Variants in SEC24B observed in about 807,000 individuals in gnomAD.
SEC24B encodes SEC24 homolog B, COPII component.
In SEC24B, 45 loss-of-function variants were observed where a neutral mutation model predicts 142.8. That is an observed-to-expected ratio of 0.32 (90% CI 0.25 to 0.40). SEC24B has a LOEUF of 0.40. SEC24B is among the 10% of genes least tolerant of loss of function. The pLI is 1.00. For synonymous variants in SEC24B, 574 were observed against 568.2 expected, an observed-to-expected ratio of 1.01 and a Z score of -0.15; for missense variants, 1,409 against 1,526.8, an observed-to-expected ratio of 0.92 and a Z score of 1.29.
chr4:109,483,368 A>G (rs1734019264), intron 4 of SEC24B, among the ~76,000 whole-genome samples: 1 of 151,896 alleles, frequency 6.6e-6, no homozygotes, highest in African/African-American at 2.4e-5. Flanking sequence ...TGTGAGCCAC[A>G]GTGCCCGGCC....
intron 5 of SEC24B, among the ~76,000 whole-genome samples, chr4:109,493,392 G>C (rs1043195822): frequency 6.6e-6 from 1 of 152,170 alleles, no homozygotes; most frequent in Non-Finnish European, 1.5e-5. Flanking sequence ...ACATTGTAGA[G>C]TTGACTTCAA....
rs1462326459 is a variant in SEC24B at position 109,521,485 on chromosome 4, C to T, written c.2367C>T (p.Ala789=). The T allele has an allele frequency of 1.2e-6, 2 of 1,614,098 alleles. No homozygotes were observed. Among genetic ancestry groups the T allele is most frequent in the Admixed American group, 3.3e-5 (2 of 60,018 alleles). ...CCAATACAAGAGAAACACACAGTGC[C>T]CTTGGTCCTGCACTTCAGGCTGCCT... ...MFTNTRETHS[A]LGPALQAAFK... is the part of the protein sequence containing the mutation. Residue 789 remains alanine (A), a synonymous_variant, in exon 14 of 24, where the codon GCC becomes GCT. Transcript: ENST00000265175.
At chr4:109,493,948 A>G (rs978564681) in intron 5 of SEC24B, among the ~76,000 whole-genome samples, 2 of 152,154 alleles carry the variant, frequency 1.3e-5, no homozygotes, top group Non-Finnish European at 2.9e-5. Context: ...CAAATAATGC[A>G]TATTTTTAGG....
intron 1 of SEC24B, among the ~76,000 whole-genome samples, chr4:109,439,165 AG>A (rs1187934140): frequency 6.6e-6 from 1 of 152,366 alleles, no homozygotes; most frequent in Non-Finnish European, 1.5e-5. Context: ...TAATAATGCA[AG>A]AAAGATGAGA....
At chr4:109,512,126 G>GGT in intron 9 of SEC24B, 43 bp downstream of exon 9, 2 of 1,316,116 alleles carry the variant, frequency 1.5e-6, no homozygotes, top group Non-Finnish European at 2.0e-6. Context: ...CTATTTTCAG[G>GGT]TTTTTTTTTT....
chr4:109,458,178 T>C (rs1001117118), intron 1 of SEC24B, among the ~76,000 whole-genome samples: 2 of 152,226 alleles, frequency 1.3e-5, no homozygotes, highest in Non-Finnish European at 2.9e-5. Context: ...CATTAAGTCT[T>C]CTGCCATACT....
intron 3 of SEC24B, among the ~76,000 whole-genome samples, chr4:109,476,021 C>CT (rs1276172999): frequency 3.4e-5 from 5 of 146,220 alleles, no homozygotes; most frequent in African/African-American, 1.3e-4. Context: ...CAGACTCACT[C>CT]TGTCACCCAG....
At chr4:109,515,811 G>A (rs985852535) in intron 10 of SEC24B, among the ~76,000 whole-genome samples, 11 of 152,114 alleles carry the variant, frequency 7.2e-5, no homozygotes, top group East Asian at 1.9e-4. Context: ...AGGCTGAGGC[G>A]GGCGGATCAA....
intron 17 of SEC24B, 61 bp downstream of exon 17, chr4:109,526,460 C>A: frequency 7.8e-7 from 1 of 1,274,912 alleles, no homozygotes. Flanking sequence ...TTTCACATGG[C>A]CTTTAGTGGA....
At chr4:109,435,267 C>CATG (rs1561049574) in intron 1 of SEC24B, among the ~76,000 whole-genome samples, 1 of 152,204 alleles carries the variant, frequency 6.6e-6, no homozygotes, top group Non-Finnish European at 1.5e-5. Flanking sequence ...ACATGCTGTA[C>CATG]TCTCAGTAGT....
intron 6 of SEC24B, among the ~76,000 whole-genome samples, chr4:109,499,287 A>G (rs1275201699): frequency 1.3e-5 from 2 of 152,232 alleles, no homozygotes; most frequent in Non-Finnish European, 2.9e-5. Flanking sequence ...CTTTCTTATT[A>G]TATCTTTCAT....
At chr4:109,525,301 T>C in intron 15 of SEC24B, 45 bp from the exon 16 acceptor site, 1 of 1,473,772 alleles carries the variant, frequency 6.8e-7, no homozygotes, top group Non-Finnish European at 9.1e-7. Context: ...ACAAGTAAAA[T>C]ATTATTATTT....
chr4:109,531,292 A>G (rs1270764526), intron 19 of SEC24B, 93 bp from the exon 20 acceptor site: 89 of 1,088,658 alleles, frequency 8.2e-5, no homozygotes, highest in Non-Finnish European at 1.1e-4. Flanking sequence ...TTTAAAGGCC[A>G]TGCTTTTTCC....
At chr4:109,468,437 A>T (rs899695564) in intron 2 of SEC24B, among the ~76,000 whole-genome samples, 7 of 152,214 alleles carry the variant, frequency 4.6e-5, no homozygotes, top group African/African-American at 1.7e-4. Context: ...TCTCCAGAGT[A>T]TCAGCCTCAA....
At chr4:109,480,370 C>A (rs531891607) in intron 3 of SEC24B, among the ~76,000 whole-genome samples, 2 of 152,108 alleles carry the variant, frequency 1.3e-5, no homozygotes, top group South Asian at 4.1e-4. Context: ...TCTTAAAAAT[C>A]CCCACTATGT....
intron 4 of SEC24B, among the ~76,000 whole-genome samples, chr4:109,490,808 T>C (rs939517875): frequency 6.6e-6 from 1 of 152,130 alleles, no homozygotes; most frequent in Admixed American, 6.5e-5. Context: ...TCTGCAGATA[T>C]GTAAACTGAG....
At chr4:109,476,862 G>C (rs917543955) in intron 3 of SEC24B, among the ~76,000 whole-genome samples, 9 of 152,058 alleles carry the variant, frequency 5.9e-5, no homozygotes, top group African/African-American at 2.2e-4. Context: ...AGTTGGCCGG[G>C]CGCAGTGGCT....
chr4:109,524,556 T>C (rs1176715009), intron 14 of SEC24B, among the ~76,000 whole-genome samples: 1 of 152,188 alleles, frequency 6.6e-6, no homozygotes, highest in Non-Finnish European at 1.5e-5. Flanking sequence ...CCTCAGTTTC[T>C]TCGTCTGAAA....
chr4:109,444,410 G>A (rs1219063495), intron 1 of SEC24B, among the ~76,000 whole-genome samples: 1 of 151,070 alleles, frequency 6.6e-6, no homozygotes, highest in Non-Finnish European at 1.5e-5. Flanking sequence ...AGAATAAAGG[G>A]AAGTCAGGTA....
Sources: allele counts gnomAD v4.1 joint callset (sites outside exome capture counted in the v4.1 genomes callset), GRCh38; gene constraint gnomAD v4.1.1; transcripts MANE v1.5; gene names NCBI Gene and HGNC (gene_info 2026-07-23, HGNC 2026-07-21).